Variants in CNTNAP2 observed in about 807,000 individuals in gnomAD.
The protein encoded by CNTNAP2 is contactin associated protein 2, also known as contactin-associated protein-like 2.
In CNTNAP2, 98 loss-of-function variants were observed where a neutral mutation model predicts 155.2. That is an observed-to-expected ratio of 0.63 (90% CI 0.54 to 0.75). The LOEUF (loss-of-function observed/expected upper bound fraction) is 0.75. Ranked by LOEUF, CNTNAP2 falls within the 30% of genes least tolerant of loss-of-function variation. CNTNAP2 has a pLI of 0.00. For missense variants in CNTNAP2, 1,727 were observed against 1,688.1 expected (o/e 1.02, Z -0.40); for synonymous variants, 651 against 631.2 (o/e 1.03, Z -0.47).
intron 2 of CNTNAP2, among the ~76,000 whole-genome samples, chr7:146,788,825 T>G (rs896098599): frequency 1.3e-5 from 2 of 152,022 alleles, no homozygotes; most frequent in African/African-American, 2.4e-5. Flanking sequence ...TCCACGTGTT[T>G]TTTTGTTTTG....
intron 15 of CNTNAP2, among the ~76,000 whole-genome samples, chr7:147,994,110 C>G (rs1240736781): frequency 6.6e-6 from 1 of 152,160 alleles, no homozygotes; most frequent in Admixed American, 6.5e-5. Context: ...TGGCTCACAC[C>G]TGTAACCCCA....
intron 10 of CNTNAP2, among the ~76,000 whole-genome samples, chr7:147,397,052 G>A (rs752656789): frequency 3.3e-5 from 5 of 151,956 alleles, no homozygotes; most frequent in East Asian, 1.9e-4. Context: ...GATGGCGTTC[G>A]TGTGAATGGT....
intron 3 of CNTNAP2, among the ~76,000 whole-genome samples, chr7:147,014,897 C>G (rs981130209): frequency 5.9e-5 from 9 of 152,240 alleles, no homozygotes; most frequent in African/African-American, 1.9e-4. Flanking sequence ...TTGTTGACTG[C>G]TCTAATTGAG....
intron 17 of CNTNAP2, among the ~76,000 whole-genome samples, chr7:148,167,498 GA>G (rs547794012): frequency 2.3e-4 from 34 of 148,292 alleles, no homozygotes; most frequent in South Asian, 6.4e-4. Context: ...AAAAGAGGGA[GA>G]AAAAAAAAAG....
chr7:147,813,536 A>G (rs145464280), intron 13 of CNTNAP2, among the ~76,000 whole-genome samples: 2 of 152,300 alleles, frequency 1.3e-5, no homozygotes, highest in East Asian at 3.9e-4. Context: ...AGAAACACAG[A>G]TCACTCCTAC....
intron 1 of CNTNAP2, among the ~76,000 whole-genome samples, chr7:146,235,982 G>A (rs554391568): frequency 1.2e-4 from 18 of 151,340 alleles, no homozygotes; most frequent in African/African-American, 3.4e-4. Context: ...GTGTGTGTGC[G>A]CGCGTATTTG....
intron 9 of CNTNAP2, among the ~76,000 whole-genome samples, chr7:147,302,864 A>T (rs1794969055): frequency 6.6e-6 from 1 of 152,256 alleles, no homozygotes; most frequent in Non-Finnish European, 1.5e-5. Context: ...AAACATATTT[A>T]TTAAATGAAC....
intron 13 of CNTNAP2, among the ~76,000 whole-genome samples, chr7:147,735,112 T>A (rs949055045): frequency 3.9e-5 from 6 of 152,160 alleles, no homozygotes; most frequent in Non-Finnish European, 8.8e-5. Flanking sequence ...AATTGTGATG[T>A]TAGGGTGTCA....
chr7:147,947,961 C>T (rs991425674), intron 14 of CNTNAP2, among the ~76,000 whole-genome samples: 3 of 152,098 alleles, frequency 2.0e-5, no homozygotes, highest in African/African-American at 7.2e-5. Flanking sequence ...AACATGGTCT[C>T]TATTGGCCTA....
At chr7:147,359,488 T>C (rs1022016165) in intron 9 of CNTNAP2, among the ~76,000 whole-genome samples, 5 of 152,168 alleles carry the variant, frequency 3.3e-5, no homozygotes, top group African/African-American at 1.2e-4. Flanking sequence ...CCTCTCCTTA[T>C]GACCTTTCAA....
In CNTNAP2 at chr7:148,047,709, C is replaced by T. The variant is rs76086155; in HGVS notation, c.2383+69720C>T. On this transcript the variant is annotated intron_variant, in intron 15 of 23. Coordinates refer to ENST00000361727, the MANE Select transcript of CNTNAP2 (RefSeq NM_014141.6). ...ATTTTTTTGCCAGCCTGTGTGTACA[C>T]GTGTCCTCAAATGACCATGAAAGCA... Among the ~76,000 whole-genome samples, 537 of 152,312 alleles carry T rather than the reference C, an allele frequency of 3.5e-3. 2 individuals are homozygous for T. Among genetic ancestry groups the T allele is most frequent in the African/African-American group, 0.012 (498 of 41,562 alleles).
At chr7:147,795,822 G>T (rs1319353811) in intron 13 of CNTNAP2, among the ~76,000 whole-genome samples, 1 of 152,120 alleles carries the variant, frequency 6.6e-6, no homozygotes, top group African/African-American at 2.4e-5. Flanking sequence ...TGAGAGGGTT[G>T]AATTTGATTT....
chr7:147,588,956 G>T (rs961227181), intron 12 of CNTNAP2, among the ~76,000 whole-genome samples: 1 of 152,080 alleles, frequency 6.6e-6, no homozygotes, highest in Non-Finnish European at 1.5e-5. Context: ...GCATTATAAG[G>T]GTATATGTTG....
At chr7:147,186,935 A>G in intron 8 of CNTNAP2, among the ~76,000 whole-genome samples, 1 of 141,920 alleles carries the variant, frequency 7.0e-6, no homozygotes, top group South Asian at 2.3e-4. Flanking sequence ...CAGACTTGTT[A>G]AACTGAAGGT....
At chr7:146,910,309 A>C (rs1022756429) in intron 3 of CNTNAP2, among the ~76,000 whole-genome samples, 3 of 150,160 alleles carry the variant, frequency 2.0e-5, no homozygotes, top group Non-Finnish European at 4.4e-5. Context: ...AGCTACTTTA[A>C]AGTTCATATG....
At chr7:147,786,732 CTGAGGCTGGAGGATCACT>C (rs1196295919) in intron 13 of CNTNAP2, among the ~76,000 whole-genome samples, 1 of 152,142 alleles carries the variant, frequency 6.6e-6, no homozygotes, top group Non-Finnish European at 1.5e-5. Context: ...CTTTGGGAGG[CTGAGGCTGGAGGATCACT>C]TGAGGCCAGG....
chr7:148,139,700 C>A (rs1157826128), intron 16 of CNTNAP2, among the ~76,000 whole-genome samples: 1 of 152,056 alleles, frequency 6.6e-6, no homozygotes, highest in Non-Finnish European at 1.5e-5. Flanking sequence ...CTATCATGCC[C>A]AGCTAATTTT....
chr7:147,234,874 T>A (rs1220897416), intron 8 of CNTNAP2, among the ~76,000 whole-genome samples: 2 of 152,214 alleles, frequency 1.3e-5, no homozygotes, highest in Non-Finnish European at 2.9e-5. Context: ...TCCTGTTTCA[T>A]ACTCATCATG....
chr7:146,961,665 T>C (rs1421258386), intron 3 of CNTNAP2, among the ~76,000 whole-genome samples: 1 of 152,126 alleles, frequency 6.6e-6, no homozygotes, highest in Non-Finnish European at 1.5e-5. Flanking sequence ...ATCGTCATGG[T>C]GGAATGACAG....
Sources: allele counts gnomAD v4.1 joint callset (sites outside exome capture counted in the v4.1 genomes callset), GRCh38; gene constraint gnomAD v4.1.1; transcripts MANE v1.5; gene names NCBI Gene and HGNC (gene_info 2026-07-23, HGNC 2026-07-21).